Variants in TRPC7 observed in about 807,000 individuals in gnomAD.
TRPC7 encodes the protein transient receptor potential cation channel subfamily C member 7.
TRPC7 carries 42 observed loss-of-function variants against 90.1 expected under a neutral mutation model. The observed-to-expected ratio is 0.47, with a 90% confidence interval of 0.36 to 0.60. The LOEUF (loss-of-function observed/expected upper bound fraction) is 0.60. Ranked by LOEUF, TRPC7 falls within the 20% of genes least tolerant of loss-of-function variation. The probability of loss-of-function intolerance (pLI) is 0.00; values close to 1 mark genes in which losing one functional copy is unlikely to be tolerated. For missense variants in TRPC7, 955 were observed against 1,112.3 expected (o/e 0.86, Z 2.01); for synonymous variants, 451 against 436.3 (o/e 1.03, Z -0.42).
intron 3 of TRPC7, among the ~76,000 whole-genome samples, chr5:136,312,277 G>A (rs1428745918): frequency 6.6e-6 from 1 of 152,110 alleles, no homozygotes; most frequent in Non-Finnish European, 1.5e-5. Flanking sequence ...GGAATTTTAG[G>A]CTTTATGAAT....
At chr5:136,338,935 A>C (rs777693024) in intron 2 of TRPC7, among the ~76,000 whole-genome samples, 2 of 152,234 alleles carry the variant, frequency 1.3e-5, no homozygotes, top group Non-Finnish European at 2.9e-5. Flanking sequence ...TAAATGAAAA[A>C]TAAACTGAAT....
intron 7 of TRPC7, among the ~76,000 whole-genome samples, chr5:136,238,429 G>C (rs982038327): frequency 6.6e-6 from 1 of 152,162 alleles, no homozygotes; most frequent in African/African-American, 2.4e-5. Flanking sequence ...GGAACGCTGG[G>C]AAACTGAGGC....
At chr5:136,266,196 A>G (rs1371143902) in intron 5 of TRPC7, 24 bp downstream of exon 5, 4 of 1,590,906 alleles carry the variant, frequency 2.5e-6, no homozygotes, top group Non-Finnish European at 3.5e-6. Context: ...CAAGGAGAGA[A>G]TAAAAATAGA....
rs1461105955 is a variant in TRPC7 at position 136,357,534 on chromosome 5, AG to A, written c.3-150del. 14 of 865,424 alleles carry A rather than the reference AG, an allele frequency of 1.6e-5. No individual in the cohort carries two copies. The East Asian group carries it at 3.8e-4, about 23-fold the overall frequency. 53.6% of individuals were successfully genotyped at this position (865,424 alleles called of 1,614,324 possible). On this transcript the variant is annotated intron_variant, in intron 1 of 11. Coordinates refer to ENST00000513104, the MANE Select transcript of TRPC7 (RefSeq NM_020389.3). The stretch of plus-strand genomic sequence containing the variant: ...TTACAAATCATTGTCTTAATCATCA[AG>A]ATTCAGACACACTGGGTTACCTGTA...
intron 1 of TRPC7, among the ~76,000 whole-genome samples, chr5:136,357,711 C>T (rs1397979218): frequency 6.6e-6 from 1 of 152,088 alleles, no homozygotes; most frequent in Non-Finnish European, 1.5e-5. Context: ...CTGAAGCAGG[C>T]AGGAGGCTAT....
chr5:136,287,854 C>T (rs1055964765), intron 3 of TRPC7, among the ~76,000 whole-genome samples: 16 of 151,990 alleles, frequency 1.1e-4, no homozygotes, highest in Non-Finnish European at 1.6e-4. Flanking sequence ...CAAGAGCCCT[C>T]CTTTAGGTAC....
At chr5:136,336,257 A>G (rs962564242) in intron 2 of TRPC7, among the ~76,000 whole-genome samples, 1 of 152,012 alleles carries the variant, frequency 6.6e-6, no homozygotes, top group Non-Finnish European at 1.5e-5. Context: ...TAATCTCTTT[A>G]CACTCCGGTC....
At chr5:136,355,169 G>A (rs1027882465) in intron 2 of TRPC7, among the ~76,000 whole-genome samples, 4 of 152,152 alleles carry the variant, frequency 2.6e-5, no homozygotes, top group Admixed American at 1.3e-4. Flanking sequence ...GAAATAATGA[G>A]CCCAGTTGTG....
At chr5:136,344,700 T>C (rs1194934564) in intron 2 of TRPC7, among the ~76,000 whole-genome samples, 1 of 152,220 alleles carries the variant, frequency 6.6e-6, no homozygotes, top group African/African-American at 2.4e-5. Flanking sequence ...GCCATGGGTA[T>C]TCCTTCCTGA....
chr5:136,331,267 G>A (rs769888424), intron 2 of TRPC7, among the ~76,000 whole-genome samples: 15 of 152,160 alleles, frequency 9.9e-5, no homozygotes, highest in South Asian at 4.1e-4. Flanking sequence ...CACAAAGTAT[G>A]CCTAAGCCAC....
At chr5:136,320,321 G>A (rs746357054) in intron 2 of TRPC7, among the ~76,000 whole-genome samples, 8 of 152,092 alleles carry the variant, frequency 5.3e-5, no homozygotes, top group Non-Finnish European at 1.2e-4. Flanking sequence ...CCATCATAAT[G>A]TATTGCTTGG....
At chr5:136,332,518 A>G (rs1301345246) in intron 2 of TRPC7, among the ~76,000 whole-genome samples, 1 of 152,208 alleles carries the variant, frequency 6.6e-6, no homozygotes, top group African/African-American at 2.4e-5. Flanking sequence ...AAGAGCAATT[A>G]GGAGGCTATT....
intron 2 of TRPC7, chr5:136,316,137 C>G: frequency 4.9e-6 from 1 of 202,370 alleles, no homozygotes; most frequent in South Asian, 1.4e-4. Flanking sequence ...TAACTTTGCT[C>G]TCTAATGATG....
intron 3 of TRPC7, among the ~76,000 whole-genome samples, chr5:136,290,387 C>G (rs1757897126): frequency 6.6e-6 from 1 of 152,026 alleles, no homozygotes; most frequent in Non-Finnish European, 1.5e-5. Flanking sequence ...GAAGTTAAAA[C>G]TTTGAAAAAA....
intron 6 of TRPC7, among the ~76,000 whole-genome samples, chr5:136,249,113 T>C (rs60094270): frequency 2.0e-5 from 3 of 152,246 alleles, no homozygotes; most frequent in African/African-American, 4.8e-5. Context: ...GATATCATTA[T>C]TGCCATTTTT....
chr5:136,352,251 AAT>A (rs2149858625), intron 2 of TRPC7, among the ~76,000 whole-genome samples: 2 of 152,268 alleles, frequency 1.3e-5, no homozygotes, highest in South Asian at 4.2e-4. Flanking sequence ...CTCACTCTAC[AAT>A]ATTCCCTTGT....
chr5:136,300,174 C>G (rs1385726850), intron 3 of TRPC7, among the ~76,000 whole-genome samples: 1 of 152,204 alleles, frequency 6.6e-6, no homozygotes, highest in Non-Finnish European at 1.5e-5. Context: ...CTTTGAGGAT[C>G]TGAAATATCT....
intron 7 of TRPC7, among the ~76,000 whole-genome samples, chr5:136,242,221 T>G (rs1249860483): frequency 6.6e-6 from 1 of 151,956 alleles, no homozygotes; most frequent in Non-Finnish European, 1.5e-5. Flanking sequence ...ACTTCGATTT[T>G]GTACTCTGAG....
chr5:136,337,910 A>G (rs1429350650), intron 2 of TRPC7, among the ~76,000 whole-genome samples: 1 of 152,182 alleles, frequency 6.6e-6, no homozygotes, highest in Non-Finnish European at 1.5e-5. Context: ...CAACAGGCAA[A>G]GACCTAATCC....
Sources: gnomAD v4.1 joint callset for allele counts (sites outside exome capture counted in the v4.1 genomes callset) on GRCh38, gnomAD v4.1.1 for gene constraint, MANE v1.5 for transcripts, NCBI Gene and HGNC (gene_info 2026-07-23, HGNC 2026-07-21) for gene names.